Variants in CDK14 observed in about 807,000 individuals in gnomAD.
CDK14 encodes the protein cyclin-dependent kinase 14.
In CDK14, 34 loss-of-function variants were observed where a neutral mutation model predicts 60.7. That is an observed-to-expected ratio of 0.56 (90% CI 0.43 to 0.75). The LOEUF is 0.75. CDK14 is among the 30% of genes least tolerant of loss of function. The pLI is 0.00. For synonymous variants in CDK14, 197 were observed against 203.7 expected, an observed-to-expected ratio of 0.97 and a Z score of 0.28; for missense variants, 482 against 564.1, an observed-to-expected ratio of 0.85 and a Z score of 1.47.
At chr7:90,801,717 C>T (rs931188758) in intron 5 of CDK14, among the ~76,000 whole-genome samples, 1 of 152,020 alleles carries the variant, frequency 6.6e-6, no homozygotes, top group African/African-American at 2.4e-5. Flanking sequence ...TTTTTTTATC[C>T]AGATACATCT....
intron 5 of CDK14, among the ~76,000 whole-genome samples, chr7:90,817,809 G>T (rs973357492): frequency 2.0e-5 from 3 of 152,088 alleles, no homozygotes; most frequent in Admixed American, 2.0e-4. Context: ...CTACTCTCAG[G>T]GACTTCCAAG....
At chr7:90,693,690 A>T (rs918186533) in intron 2 of CDK14, among the ~76,000 whole-genome samples, 1 of 152,186 alleles carries the variant, frequency 6.6e-6, no homozygotes, top group African/African-American at 2.4e-5. Flanking sequence ...GCGACAGAAC[A>T]TCTACTTAGT....
rs529796655 is a variant in CDK14 at position 90,696,433 on chromosome 7, C to T, written c.124-30134C>T. On this transcript the variant is annotated intron_variant, in intron 2 of 14. Transcript: ENST00000380050. ...TCAGCTCACTGCAACCTCCGCCTCCCGGGTTCAAGTGATTCTTGTGCCTCA... is the reference window on the plus strand; with the variant it reads ...TCAGCTCACTGCAACCTCCGCCTCCTGGGTTCAAGTGATTCTTGTGCCTCA... 1.4e-4 allele frequency among the ~76,000 whole-genome samples: 21 copies of T among 150,602 alleles called. No homozygotes were observed. The East Asian group carries it at 2.2e-3, about 16-fold the overall frequency.
chr7:91,034,239 G>T (rs1796847370), intron 10 of CDK14, among the ~76,000 whole-genome samples: 1 of 152,154 alleles, frequency 6.6e-6, no homozygotes, highest in Non-Finnish European at 1.5e-5. Flanking sequence ...CCAGACAGTG[G>T]TCCCAACCGG....
intron 14 of CDK14, among the ~76,000 whole-genome samples, chr7:91,186,743 T>G (rs1410571662): frequency 1.3e-5 from 2 of 152,360 alleles, no homozygotes; most frequent in East Asian, 3.9e-4. Context: ...TGTTTGGTTT[T>G]GTTTTTTTGT....
Position 90,809,746 on chromosome 7 carries a change from G to T in CDK14, c.544+19094G>T, listed in dbSNP as rs188083224. Among the ~76,000 whole-genome samples the T allele has an allele frequency of 1.3e-3, 200 of 152,198 alleles. 2 individuals carry two copies. The East Asian group carries it at 0.034, about 26-fold the overall frequency. ...AGTAAGACTAATAAAGAAGAAAAGA[G>T]AGAAGAATCAAATAGAAGCAATAAA... On this transcript the variant is annotated intron_variant, in intron 5 of 14. Transcript: ENST00000380050.
intron 4 of CDK14, among the ~76,000 whole-genome samples, chr7:90,775,387 A>G (rs1044653122): frequency 6.6e-6 from 1 of 152,296 alleles, no homozygotes; most frequent in South Asian, 2.1e-4. Flanking sequence ...GATTGAGGAA[A>G]AGTGATAATA....
intron 5 of CDK14, among the ~76,000 whole-genome samples, chr7:90,808,534 G>A (rs146113388): frequency 0.035 from 5,300 of 152,150 alleles, 116 homozygotes; most frequent in Non-Finnish European, 0.053. Flanking sequence ...AAAGACCATC[G>A]AGGCTAGGAA....
intron 6 of CDK14, among the ~76,000 whole-genome samples, chr7:90,874,629 C>CG (rs1483244984): frequency 6.9e-6 from 1 of 145,768 alleles, no homozygotes; most frequent in Non-Finnish European, 1.5e-5. Flanking sequence ...CCCGGGTTCA[C>CG]GCCATTCTCC....
At chr7:90,817,785 G>A (rs1789404012) in intron 5 of CDK14, among the ~76,000 whole-genome samples, 1 of 152,178 alleles carries the variant, frequency 6.6e-6, no homozygotes, top group Non-Finnish European at 1.5e-5. Context: ...CCGTTAGGAA[G>A]CAGTTCAACA....
intron 2 of CDK14, among the ~76,000 whole-genome samples, chr7:90,693,342 A>T (rs533212040): frequency 1.3e-5 from 2 of 152,336 alleles, no homozygotes; most frequent in East Asian, 1.9e-4. Context: ...CTAGTCTGTG[A>T]TACCAACACA....
At chr7:90,897,384 G>C (rs932404765) in intron 6 of CDK14, among the ~76,000 whole-genome samples, 2 of 152,000 alleles carry the variant, frequency 1.3e-5, no homozygotes, top group Non-Finnish European at 2.9e-5. Context: ...AACACATCAT[G>C]GACATGTGAT....
intron 11 of CDK14, among the ~76,000 whole-genome samples, chr7:91,048,478 C>T (rs1797301188): frequency 6.6e-6 from 1 of 152,184 alleles, no homozygotes; most frequent in Admixed American, 6.5e-5. Flanking sequence ...CCTATACATA[C>T]ACATACACAT....
At chr7:90,615,926 G>A (rs1450380196) in intron 2 of CDK14, among the ~76,000 whole-genome samples, 1 of 152,122 alleles carries the variant, frequency 6.6e-6, no homozygotes, top group Non-Finnish European at 1.5e-5. Context: ...GTTGTTATTG[G>A]GGGTGTGTCA....
At chr7:90,940,114 C>G (rs981544420) in intron 8 of CDK14, among the ~76,000 whole-genome samples, 2 of 152,006 alleles carry the variant, frequency 1.3e-5, no homozygotes, top group Non-Finnish European at 2.9e-5. Flanking sequence ...CTGTAATAGA[C>G]ATTGCAAAGA....
intron 2 of CDK14, among the ~76,000 whole-genome samples, chr7:90,659,129 T>C (rs1259284013): frequency 6.6e-6 from 1 of 152,228 alleles, no homozygotes; most frequent in Non-Finnish European, 1.5e-5. Context: ...TCTTATGTCT[T>C]TCTTCTTACA....
At chr7:90,786,200 A>C (rs1043829514) in intron 4 of CDK14, among the ~76,000 whole-genome samples, 1 of 152,238 alleles carries the variant, frequency 6.6e-6, no homozygotes, top group Non-Finnish European at 1.5e-5. Flanking sequence ...GCTTAAAGCA[A>C]CTACAGGCAA....
chr7:91,035,755 T>C lies in CDK14; in HGVS notation c.1042-10142T>C, dbSNP rs777680391. Among the ~76,000 whole-genome samples the C allele has an allele frequency of 2.3e-4, 35 of 151,944 alleles. No homozygotes were observed. The Middle Eastern group carries it at 0.014, about 59-fold the overall frequency. On this transcript the variant is annotated intron_variant, in intron 10 of 14. Transcript: ENST00000380050. The stretch of plus-strand genomic sequence containing the variant: ...ATAACATTAACAAAAATGTAGTGAC[T>C]AAGGCACATTTATCATCTCTCAGTT...
chr7:90,637,317 A>G (rs901697852), intron 2 of CDK14, among the ~76,000 whole-genome samples: 1 of 151,808 alleles, frequency 6.6e-6, no homozygotes, highest in African/African-American at 2.4e-5. Context: ...TGTGTCCCAG[A>G]GATTCTGGTA....
Sources: allele counts gnomAD v4.1 joint callset (sites outside exome capture counted in the v4.1 genomes callset), GRCh38; gene constraint gnomAD v4.1.1; transcripts MANE v1.5; gene names NCBI Gene and HGNC (gene_info 2026-07-23, HGNC 2026-07-21).